The following WWOX variants were observed in gnomAD, a reference collection of about 807,000 sequenced individuals.
WWOX encodes the protein WW domain-containing oxidoreductase.
A neutral mutation model predicts 46.2 loss-of-function variants in WWOX; 69 were observed. The ratio of observed to expected loss-of-function variants is 1.49; its 90% CI spans 1.23 to 1.82. The LOEUF is 1.82. Ranked by LOEUF, WWOX falls within the 40% of genes most tolerant of loss-of-function variation. WWOX has a pLI of 0.00. For synonymous variants in WWOX, 359 were observed against 202.6 expected (o/e 1.77, Z -6.56); for missense variants, 919 against 542.6 (o/e 1.69, Z -6.89).
chr16:78,825,903 T>A, intron 8 of WWOX: 1 of 704,858 alleles, frequency 1.4e-6, no homozygotes, highest in Non-Finnish European at 2.5e-6. Context: ...CACGTGAGCA[T>A]CATGGAACCC....
At chr16:78,292,456 A>G (rs2079875514) in intron 5 of WWOX, among the ~76,000 whole-genome samples, 1 of 152,236 alleles carries the variant, frequency 6.6e-6, no homozygotes, top group Admixed American at 6.5e-5. Flanking sequence ...AAAAATGGTA[A>G]CAACACAGCA....
At chr16:78,544,551 T>C (rs2941939) in intron 8 of WWOX, among the ~76,000 whole-genome samples, 2 of 152,316 alleles carry the variant, frequency 1.3e-5, no homozygotes, top group African/African-American at 4.8e-5. Flanking sequence ...AGCCATTTTT[T>C]AACTCATTGC....
intron 8 of WWOX, among the ~76,000 whole-genome samples, chr16:78,547,127 GAAAAAAAAA>G (rs199726097): frequency 4.6e-5 from 4 of 87,504 alleles, no homozygotes; most frequent in East Asian, 3.1e-4. Context: ...CCTTGTCTCA[GAAAAAAAAA>G]AAAAAAAAAA....
At chr16:78,202,539 C>T (rs750066642) in intron 5 of WWOX, among the ~76,000 whole-genome samples, 1 of 152,178 alleles carries the variant, frequency 6.6e-6, no homozygotes, top group East Asian at 1.9e-4. Context: ...GGTTGTTGAT[C>T]TGTTTGTCAG....
intron 8 of WWOX, among the ~76,000 whole-genome samples, chr16:78,626,085 T>G (rs76568339): frequency 0.048 from 7,315 of 152,064 alleles, 267 homozygotes; most frequent in Non-Finnish European, 0.072. Flanking sequence ...TTTTACCTAA[T>G]GACTTTTTTG....
intron 4 of WWOX, among the ~76,000 whole-genome samples, chr16:78,145,661 C>T (rs1429874631): frequency 6.6e-6 from 1 of 152,154 alleles, no homozygotes; most frequent in African/African-American, 2.4e-5. Context: ...GGAACAGCAC[C>T]TTGCATCCTT....
chr16:78,364,178 T>G (rs1488897378), intron 5 of WWOX, among the ~76,000 whole-genome samples: 1 of 152,170 alleles, frequency 6.6e-6, no homozygotes, highest in East Asian at 1.9e-4. Flanking sequence ...AAGACTATAA[T>G]TTTATTTTGG....
chr16:78,631,911 T>G (rs2550613), intron 8 of WWOX, among the ~76,000 whole-genome samples: 64,805 of 152,112 alleles, frequency 0.43, 16,705 homozygotes, highest in Middle Eastern at 0.59. Flanking sequence ...CTTTTTGATT[T>G]AAATTATTCT....
chr16:79,187,337 T>C (rs903045220), intron 8 of WWOX, among the ~76,000 whole-genome samples: 5 of 152,188 alleles, frequency 3.3e-5, no homozygotes, highest in Admixed American at 6.5e-5. Flanking sequence ...TTAACAAGCA[T>C]TGATCAAATA....
At chr16:79,078,807 A>G (rs2048707181) in intron 8 of WWOX, among the ~76,000 whole-genome samples, 1 of 152,204 alleles carries the variant, frequency 6.6e-6, no homozygotes, top group African/African-American at 2.4e-5. Context: ...CCAAGTGGTG[A>G]TAATGAGACC....
chr16:78,540,623 A>G, intron 8 of WWOX, among the ~76,000 whole-genome samples: 1 of 151,934 alleles, frequency 6.6e-6, no homozygotes, highest in African/African-American at 2.4e-5. Context: ...TGGGCTTGTT[A>G]GCTCCTACCT....
chr16:78,688,369 T>TA (rs11458852), intron 8 of WWOX, among the ~76,000 whole-genome samples: 41,636 of 142,290 alleles, frequency 0.29, 6,159 homozygotes, highest in South Asian at 0.34. Flanking sequence ...TCAGTTACTT[T>TA]AAAAAAAAAA....
chr16:78,249,789 G>A (rs1398633626), intron 5 of WWOX, among the ~76,000 whole-genome samples: 3 of 146,138 alleles, frequency 2.1e-5, no homozygotes, highest in African/African-American at 7.5e-5. Flanking sequence ...CGTGGCTTTT[G>A]AACGGTGAAC....
chr16:78,521,708 T>C (rs576194669), intron 8 of WWOX, among the ~76,000 whole-genome samples: 1 of 152,334 alleles, frequency 6.6e-6, no homozygotes, highest in East Asian at 1.9e-4. Context: ...TAAGTGTCTT[T>C]TTATTTCACT....
At chr16:79,084,997 C>G (rs1188956478) in intron 8 of WWOX, among the ~76,000 whole-genome samples, 1 of 150,982 alleles carries the variant, frequency 6.6e-6, no homozygotes, top group Non-Finnish European at 1.5e-5. Context: ...ACAATTATAG[C>G]TCACCACAGC....
chr16:78,516,389 T>G (rs1204011823), intron 8 of WWOX, among the ~76,000 whole-genome samples: 1 of 152,172 alleles, frequency 6.6e-6, no homozygotes, highest in Non-Finnish European at 1.5e-5. Context: ...CTTCTAATAG[T>G]TGTGTAATAT....
chr16:79,024,575 A>G (rs567774010), intron 8 of WWOX, among the ~76,000 whole-genome samples: 5 of 152,172 alleles, frequency 3.3e-5, no homozygotes, highest in African/African-American at 1.2e-4. Flanking sequence ...CTGGGACTAC[A>G]GGCACCCACC....
At chr16:78,151,262 C>G (rs34285084) in intron 4 of WWOX, among the ~76,000 whole-genome samples, 11,983 of 152,110 alleles carry the variant, frequency 0.079, 528 homozygotes, top group Non-Finnish European at 0.11. Context: ...TATCACAAAT[C>G]CACAGTCACA....
At chr16:78,878,304 C>A (rs2044273990) in intron 8 of WWOX, among the ~76,000 whole-genome samples, 1 of 152,162 alleles carries the variant, frequency 6.6e-6, no homozygotes, top group Non-Finnish European at 1.5e-5. Flanking sequence ...GATGGCCTAG[C>A]ATGACATTGG....
Sources: allele counts gnomAD v4.1 joint callset (sites outside exome capture counted in the v4.1 genomes callset), GRCh38; gene constraint gnomAD v4.1.1; transcripts MANE v1.5; gene names NCBI Gene and HGNC (gene_info 2026-07-23, HGNC 2026-07-21).